Variants in RERE observed in about 807,000 individuals in gnomAD.
The protein encoded by RERE is arginine-glutamic acid dipeptide repeats protein.
Under a neutral mutation model 146.1 loss-of-function variants are expected in RERE, and 40 were observed. The observed-to-expected ratio is 0.27, with a 90% CI of 0.21 to 0.36. RERE has a LOEUF of 0.36. RERE is among the 10% of genes least tolerant of loss of function. RERE has a pLI of 1.00. For synonymous variants in RERE, 1,003 were observed against 866.0 expected, an observed-to-expected ratio of 1.16 and a Z score of -2.78; for missense variants, 1,933 against 2,138.7, an observed-to-expected ratio of 0.90 and a Z score of 1.90.
chr1:8,445,558 A>T (rs1433691932), intron 11 of RERE, among the ~76,000 whole-genome samples: 1 of 152,152 alleles, frequency 6.6e-6, no homozygotes, highest in Non-Finnish European at 1.5e-5. Flanking sequence ...CCCAACACCC[A>T]GTGGTTGAAG....
rs112511330 is a variant in RERE, at chr1:8,736,818, T to C, written c.-145+80342A>G. On this transcript the variant is annotated intron_variant, in intron 1 of 22. Coordinates refer to ENST00000400908, the MANE Select transcript of RERE (RefSeq NM_001042681.2). ...GGTCTTCACCAAGAACAAAGAGTTA[T>C]AGGTGTCTGTTACCTCTAGGAGAAG... 7.8e-4 allele frequency among the ~76,000 whole-genome samples: 99 copies of C among 126,222 alleles called. 1 individual carries two copies. The highest frequency in any genetic ancestry group is 1.5e-3 in the Non-Finnish European group (92 of 62,598). The allele number at this position is 126,222 out of a possible 152,430, so 82.8% of individuals were successfully genotyped here.
intron 4 of RERE, among the ~76,000 whole-genome samples, chr1:8,588,986 TG>T (rs1646460089): frequency 6.6e-6 from 1 of 151,474 alleles, no homozygotes; most frequent in Non-Finnish European, 1.5e-5. Context: ...CAGCTGGGTG[TG>T]GTGGCAGGCA....
chr1:8,680,230 G>C (rs894884759), intron 1 of RERE, among the ~76,000 whole-genome samples: 4 of 150,640 alleles, frequency 2.7e-5, no homozygotes, highest in African/African-American at 9.7e-5. Flanking sequence ...TTCACTAAAA[G>C]AAAAAAAAAT....
intron 12 of RERE, among the ~76,000 whole-genome samples, chr1:8,383,820 C>T (rs1421985628): frequency 6.6e-6 from 1 of 151,830 alleles, no homozygotes; most frequent in Non-Finnish European, 1.5e-5. Context: ...GATTGCGCCA[C>T]TGCACTCCAG....
intron 7 of RERE, among the ~76,000 whole-genome samples, chr1:8,518,143 T>G (rs1295115807): frequency 1.3e-5 from 2 of 152,190 alleles, no homozygotes; most frequent in African/African-American, 4.8e-5. Context: ...GGTGACTGCT[T>G]AAGATAGGCA....
At chr1:8,752,161 G>A (rs1022225904) in intron 1 of RERE, among the ~76,000 whole-genome samples, 10 of 151,802 alleles carry the variant, frequency 6.6e-5, no homozygotes, top group East Asian at 1.9e-4. Context: ...TTTGCCTTGC[G>A]TGTCTGTGTT....
At chr1:8,446,299 T>C (rs1189240153) in intron 11 of RERE, among the ~76,000 whole-genome samples, 1 of 152,142 alleles carries the variant, frequency 6.6e-6, no homozygotes, top group African/African-American at 2.4e-5. Context: ...AAACATTTTT[T>C]CTTTCATTTC....
chr1:8,794,476 G>A (rs1302841239), intron 1 of RERE, among the ~76,000 whole-genome samples: 1 of 151,912 alleles, frequency 6.6e-6, no homozygotes, highest in Non-Finnish European at 1.5e-5. Flanking sequence ...TGAGGTGGCA[G>A]GGAAAACTGC....
At chr1:8,795,013 C>T (rs1332225585) in intron 1 of RERE, among the ~76,000 whole-genome samples, 2 of 152,076 alleles carry the variant, frequency 1.3e-5, no homozygotes, top group East Asian at 1.9e-4. Flanking sequence ...ACAGGGTCTC[C>T]CTATGTTACC....
At chr1:8,601,670 AC>A (rs1342163808) in intron 4 of RERE, among the ~76,000 whole-genome samples, 7 of 128,598 alleles carry the variant, frequency 5.4e-5, no homozygotes, top group African/African-American at 2.1e-4. Context: ...ACACACACAC[AC>A]ATCTTCCTTC....
In RERE at chr1:8,814,980, A is replaced by T. The variant is rs557123073; in HGVS notation, c.-145+2180T>A. ...GCTCGGGGAAGTGGCATTTGCAGAA[A>T]GGCACAACAACTGCGCTTAAAAGAA... On this transcript the variant is annotated intron_variant, in intron 1 of 22. Coordinates refer to ENST00000400908, the MANE Select transcript of RERE (RefSeq NM_001042681.2). Among the ~76,000 whole-genome samples the T allele has an allele frequency of 8.5e-5, 13 of 152,338 alleles. No homozygotes were observed. In the South Asian group the frequency reaches 2.7e-3, roughly 32 times the overall value.
At chr1:8,416,864 A>G (rs898621240) in intron 12 of RERE, among the ~76,000 whole-genome samples, 1 of 152,194 alleles carries the variant, frequency 6.6e-6, no homozygotes, top group Non-Finnish European at 1.5e-5. Context: ...GGGGTCCGTT[A>G]AAATGCAGAT....
At chr1:8,455,665 TG>T (rs1228433483) in intron 11 of RERE, among the ~76,000 whole-genome samples, 1 of 152,202 alleles carries the variant, frequency 6.6e-6, no homozygotes, top group Non-Finnish European at 1.5e-5. Flanking sequence ...ACTGAAGCAA[TG>T]TGAGGTTTCT....
At chr1:8,629,912 A>G (rs1055035109) in intron 2 of RERE, among the ~76,000 whole-genome samples, 1 of 152,212 alleles carries the variant, frequency 6.6e-6, no homozygotes, top group Non-Finnish European at 1.5e-5. Context: ...ACGCATGAAC[A>G]AAGACTTTCT....
At chr1:8,715,478 T>C (rs1363402546) in intron 1 of RERE, among the ~76,000 whole-genome samples, 1 of 151,938 alleles carries the variant, frequency 6.6e-6, no homozygotes, top group Non-Finnish European at 1.5e-5. Flanking sequence ...ACCATTGCAT[T>C]CCAGCCTGGG....
At chr1:8,743,274 T>A (rs1465959040) in intron 1 of RERE, among the ~76,000 whole-genome samples, 1 of 152,072 alleles carries the variant, frequency 6.6e-6, no homozygotes, top group East Asian at 1.9e-4. Context: ...GGCGCGTGCC[T>A]GTAGTCCTAT....
chr1:8,777,012 C>T (rs954268090), intron 1 of RERE, among the ~76,000 whole-genome samples: 5 of 152,098 alleles, frequency 3.3e-5, no homozygotes, highest in African/African-American at 1.2e-4. Flanking sequence ...GCAAGGATTA[C>T]AGGCATGAGC....
intron 1 of RERE, among the ~76,000 whole-genome samples, chr1:8,668,954 G>A (rs1388114413): frequency 1.9e-5 from 1 of 53,558 alleles, no homozygotes; most frequent in Non-Finnish European, 3.9e-5. Context: ...GTGTGTGTGT[G>A]TGTGTGTGTT....
At chr1:8,811,147 C>A (rs2124606875) in intron 1 of RERE, among the ~76,000 whole-genome samples, 1 of 152,252 alleles carries the variant, frequency 6.6e-6, no homozygotes, top group East Asian at 1.9e-4. Context: ...CCAGGTCCTG[C>A]CAGAGAACAT....
Sources: gnomAD v4.1 joint callset for allele counts (sites outside exome capture counted in the v4.1 genomes callset) on GRCh38, gnomAD v4.1.1 for gene constraint, MANE v1.5 for transcripts, NCBI Gene and HGNC (gene_info 2026-07-23, HGNC 2026-07-21) for gene names.